Variants in RBFOX1 observed in about 807,000 individuals in gnomAD.
The protein encoded by RBFOX1 is RNA binding fox-1 homolog 1, also known as RNA binding protein fox-1 homolog 1.
A neutral mutation model predicts 57.7 loss-of-function variants in RBFOX1; 8 were observed. The observed-to-expected ratio is 0.14, with a 90% CI of 0.08 to 0.25. The LOEUF (loss-of-function observed/expected upper bound fraction) is 0.25. RBFOX1 is among the 10% of genes least tolerant of loss of function. The pLI is 1.00. For synonymous variants in RBFOX1, 326 were observed against 222.4 expected, an observed-to-expected ratio of 1.47 and a Z score of -4.15; for missense variants, 611 against 548.5, an observed-to-expected ratio of 1.11 and a Z score of -1.14.
At chr16:7,124,560 T>TCCCTCCCTCCCC (rs2068000209) in intron 4 of RBFOX1, among the ~76,000 whole-genome samples, 1 of 72,560 alleles carries the variant, frequency 1.4e-5, no homozygotes, top group Non-Finnish European at 2.5e-5. Flanking sequence ...CCTCCCTCCC[T>TCCCTCCCTCCCC]CCCTTCCTTC....
At position 7,161,723 on chromosome 16, in the gene RBFOX1, C is replaced by T. The variant is rs569349220; in HGVS notation, c.27+109625C>T. ...GGGTTTCTGTCCTTCATTTGAGCAGCTTCCTTTATGACTCATCTTTCTAGA... is the reference window on the plus strand; with the variant it reads ...GGGTTTCTGTCCTTCATTTGAGCAGTTTCCTTTATGACTCATCTTTCTAGA... On this transcript the variant is annotated intron_variant, in intron 4 of 15. Coordinates refer to ENST00000550418, the MANE Select transcript of RBFOX1 (RefSeq NM_018723.4). 2.8e-4 allele frequency among the ~76,000 whole-genome samples: 43 copies of T among 152,312 alleles called. 1 individual carries two copies. The highest frequency in any genetic ancestry group is 7.5e-4 in the African/African-American group (31 of 41,574).
chr16:7,622,785 C>T (rs569101016), intron 10 of RBFOX1, among the ~76,000 whole-genome samples: 2 of 152,244 alleles, frequency 1.3e-5, no homozygotes, highest in South Asian at 4.2e-4. Flanking sequence ...TACAGAGCAA[C>T]ATTTTTTCTG....
intron 1 of RBFOX1, among the ~76,000 whole-genome samples, chr16:5,284,422 G>A (rs1198210955): frequency 2.6e-5 from 4 of 152,074 alleles, no homozygotes; most frequent in African/African-American, 4.8e-5. Flanking sequence ...GTATTTTCAT[G>A]ATGGTAGATA....
chr16:5,882,594 C>A (rs901841358), intron 4 of RBFOX1, among the ~76,000 whole-genome samples: 4 of 152,140 alleles, frequency 2.6e-5, no homozygotes, highest in Non-Finnish European at 4.4e-5. Context: ...GAAACTCCAT[C>A]CACAGCAAGA....
chr16:6,824,615 G>C (rs915229970), intron 3 of RBFOX1, among the ~76,000 whole-genome samples: 1 of 152,118 alleles, frequency 6.6e-6, no homozygotes, highest in Non-Finnish European at 1.5e-5. Flanking sequence ...TTTGTCAACA[G>C]ATTACTCTGA....
chr16:7,217,282 T>C (rs1317695603), intron 4 of RBFOX1, among the ~76,000 whole-genome samples: 1 of 112,168 alleles, frequency 8.9e-6, no homozygotes, highest in Non-Finnish European at 1.7e-5. Context: ...TCTTTTTTTT[T>C]CTTATTCTTC....
rs191268309 is a variant in RBFOX1, at chr16:5,575,384, G to A, written c.259-23518G>A. Among the ~76,000 whole-genome samples the A allele has an allele frequency of 8.5e-5, 13 of 152,164 alleles. No individual in the cohort carries two copies. In the South Asian group the frequency reaches 1.0e-3, roughly 12 times the overall value. On this transcript the variant is annotated intron_variant, in intron 2 of 2. Transcript: ENST00000585867. ...CCATCATTGAGTTCACATGCCCTGCGTGTCCTCTGTCTTAGGTGATCATCC... is the reference window on the plus strand; with the variant it reads ...CCATCATTGAGTTCACATGCCCTGCATGTCCTCTGTCTTAGGTGATCATCC...
chr16:7,283,787 T>G (rs1448883265), intron 4 of RBFOX1, among the ~76,000 whole-genome samples: 1 of 152,240 alleles, frequency 6.6e-6, no homozygotes, highest in Non-Finnish European at 1.5e-5. Flanking sequence ...AAGTCAGGTT[T>G]ACTGAGGCAT....
intron 2 of RBFOX1, among the ~76,000 whole-genome samples, chr16:5,511,925 A>G (rs1458742404): frequency 1.3e-5 from 2 of 152,228 alleles, no homozygotes; most frequent in Admixed American, 6.5e-5. Flanking sequence ...TTATGAGTCT[A>G]TTAATCCACA....
intron 2 of RBFOX1, among the ~76,000 whole-genome samples, chr16:6,452,564 C>A (rs929512457): frequency 6.6e-6 from 1 of 152,152 alleles, no homozygotes; most frequent in Non-Finnish European, 1.5e-5. Flanking sequence ...ACCTAGAGAT[C>A]GTCAAGTGAT....
chr16:6,487,623 A>G (rs943228728), intron 2 of RBFOX1, among the ~76,000 whole-genome samples: 5 of 147,204 alleles, frequency 3.4e-5, no homozygotes, highest in Non-Finnish European at 7.5e-5. Flanking sequence ...AAAAGATACA[A>G]TTATAGTAGA....
intron 2 of RBFOX1, among the ~76,000 whole-genome samples, chr16:6,440,720 G>T (rs923862589): frequency 6.6e-6 from 1 of 150,776 alleles, no homozygotes; most frequent in African/African-American, 2.5e-5. Context: ...AGAATCGCTT[G>T]AACTTGGGAG....
chr16:7,697,961 G>T (rs1225714821), intron 14 of RBFOX1, among the ~76,000 whole-genome samples: 1 of 152,174 alleles, frequency 6.6e-6, no homozygotes, highest in Non-Finnish European at 1.5e-5. Flanking sequence ...TCCGTGTGCT[G>T]GGAGTACTGG....
intron 1 of RBFOX1, among the ~76,000 whole-genome samples, chr16:6,122,784 G>C (rs1449008706): frequency 7.3e-6 from 1 of 137,514 alleles, no homozygotes; most frequent in Admixed American, 7.5e-5. Context: ...AATATGATCT[G>C]TGTGGCTATG....
intron 4 of RBFOX1, among the ~76,000 whole-genome samples, chr16:7,239,969 A>ATT (rs1198620916): frequency 6.6e-6 from 1 of 152,074 alleles, no homozygotes; most frequent in Non-Finnish European, 1.5e-5. Flanking sequence ...CTATAAGATG[A>ATT]TGGTGACGAT....
intron 2 of RBFOX1, among the ~76,000 whole-genome samples, chr16:6,587,392 C>T (rs2097644638): frequency 6.6e-6 from 1 of 152,152 alleles, no homozygotes; most frequent in African/African-American, 2.4e-5. Flanking sequence ...AGCAATTCTC[C>T]TGCCTCAGCC....
chr16:7,035,746 A>T (rs2044213026), intron 3 of RBFOX1, among the ~76,000 whole-genome samples: 2 of 152,154 alleles, frequency 1.3e-5, no homozygotes, highest in African/African-American at 4.8e-5. Context: ...ATGCCTGCTC[A>T]TTGTTGCAGA....
chr16:5,989,545 C>T (rs1313697568), intron 4 of RBFOX1, among the ~76,000 whole-genome samples: 1 of 152,024 alleles, frequency 6.6e-6, no homozygotes, highest in Non-Finnish European at 1.5e-5. Flanking sequence ...ACCTGAGACT[C>T]TGGGCTGTGG....
At position 6,052,645 on chromosome 16, in the gene RBFOX1, G is replaced by A. The variant is rs577404736; in HGVS notation, c.-127+32653G>A. Among the ~76,000 whole-genome samples, 6 of 151,918 alleles carry A rather than the reference G, an allele frequency of 3.9e-5. No individual in the cohort carries two copies. In the South Asian group the frequency reaches 8.3e-4, roughly 21 times the overall value. ...TAAAAATACAAAAAATTAGACTGGCGCGGTGGCGGGCGCCTGTAGTCCCAG... is the reference window on the plus strand; with the variant it reads ...TAAAAATACAAAAAATTAGACTGGCACGGTGGCGGGCGCCTGTAGTCCCAG... On this transcript the variant is annotated intron_variant, in intron 1 of 15. Coordinates refer to ENST00000550418, the MANE Select transcript of RBFOX1 (RefSeq NM_018723.4).
Sources: gnomAD v4.1 joint callset for allele counts (sites outside exome capture counted in the v4.1 genomes callset) on GRCh38, gnomAD v4.1.1 for gene constraint, MANE v1.5 for transcripts, NCBI Gene and HGNC (gene_info 2026-07-23, HGNC 2026-07-21) for gene names.